The following ZNF473 variants were observed in gnomAD, a reference collection of about 807,000 sequenced individuals.
ZNF473 encodes zinc finger protein 100 homolog.
A neutral mutation model predicts 11.1 loss-of-function variants in ZNF473; 4 were observed. The ratio of observed to expected loss-of-function variants is 0.36; its 90% CI spans 0.18 to 0.82. ZNF473 has a LOEUF of 0.82. Ranked by LOEUF, ZNF473 falls within the 40% of genes least tolerant of loss-of-function variation. The pLI, the probability that ZNF473 is intolerant of heterozygous loss-of-function variation, is 0.49. For synonymous variants in ZNF473, 404 were observed against 390.4 expected (o/e 1.03, Z -0.41); for missense variants, 854 against 1,084.0 (o/e 0.79, Z 2.98).
chr19:50,048,275 C>T lies in ZNF473; in HGVS notation c.*1216C>T, dbSNP rs555717417. The T allele has an allele frequency of 4.6e-5, 7 of 152,322 alleles. No individual in the cohort carries two copies. In the East Asian group the frequency reaches 1.2e-3, roughly 25 times the overall value. 9.4% of individuals were successfully genotyped at this position (152,322 alleles called of 1,614,324 possible). ...GTCTTGTCAGCTCTGGGTGTTTGTT[C>T]CCTGCCACTAAGTGGCTCAGTCACA... On this transcript the variant is annotated 3_prime_UTR_variant, in exon 5 of 5. Coordinates refer to ENST00000270617, the MANE Select transcript of ZNF473 (RefSeq NM_015428.4).
At chr19:50,030,798 G>C (rs2122802134) in intron 1 of ZNF473, 94 bp from the exon 2 acceptor site, 3 of 525,008 alleles carry the variant, frequency 5.7e-6, no homozygotes, top group South Asian at 2.1e-5. Flanking sequence ...ACCCACCATT[G>C]TTGGTGGCGA....
intron 2 of ZNF473, among the ~76,000 whole-genome samples, chr19:50,032,524 A>G (rs1327206970): frequency 3.9e-5 from 6 of 152,030 alleles, no homozygotes; most frequent in Non-Finnish European, 7.4e-5. Flanking sequence ...TCATTCAACA[A>G]GTATTTACTC....
chr19:50,036,764 T>G (rs1978471392), intron 2 of ZNF473, among the ~76,000 whole-genome samples: 1 of 152,174 alleles, frequency 6.6e-6, no homozygotes, highest in Admixed American at 6.5e-5. Flanking sequence ...TCCCTCACCA[T>G]GTTATGCGTT....
chr19:50,044,240 G>A (rs539390607), intron 4 of ZNF473, among the ~76,000 whole-genome samples: 3 of 152,280 alleles, frequency 2.0e-5, no homozygotes, highest in Non-Finnish European at 2.9e-5. Flanking sequence ...CCAAGTTGAG[G>A]GAGGTAGGGA....
chr19:50,027,269 A>G (rs1385833911), intron 1 of ZNF473, among the ~76,000 whole-genome samples: 1 of 152,206 alleles, frequency 6.6e-6, no homozygotes, highest in Admixed American at 6.5e-5. Flanking sequence ...AAGACCCTAC[A>G]TGGCCTGTGG....
intron 2 of ZNF473, among the ~76,000 whole-genome samples, chr19:50,036,326 T>G (rs1447431687): frequency 1.4e-5 from 2 of 147,126 alleles, no homozygotes; most frequent in Non-Finnish European, 3.0e-5. Flanking sequence ...TTTTTTTTTT[T>G]TTTTTGAGAT....
intron 1 of ZNF473, among the ~76,000 whole-genome samples, chr19:50,027,886 A>G (rs2077295368): frequency 6.6e-6 from 1 of 152,106 alleles, no homozygotes; most frequent in Non-Finnish European, 1.5e-5. Context: ...CGGGGGTTTC[A>G]CCATGTTGAT....
At chr19:50,033,207 A>G (rs1041535848) in intron 2 of ZNF473, among the ~76,000 whole-genome samples, 2 of 152,136 alleles carry the variant, frequency 1.3e-5, no homozygotes, top group Non-Finnish European at 1.5e-5. Context: ...TGTTTTATAC[A>G]GAGGGGTGGG....
At position 50,047,755 on chromosome 19, in the gene ZNF473, A is replaced by AACTT. The variant is rs1979221199; in HGVS notation, c.*696_*697insACTT. On this transcript the variant is annotated 3_prime_UTR_variant, in exon 5 of 5. Transcript: ENST00000270617. ...CTAACCTCCCAAGCTTCTCACTTAA[A>AACTT]GAGGACTCCCTATCCCACAAACACA... is the stretch of plus-strand genomic sequence containing the variant. The AACTT allele has an allele frequency of 6.6e-6, 1 of 152,238 alleles. No individual in the cohort carries two copies. 9.4% of individuals were successfully genotyped at this position (152,238 alleles called of 1,614,324 possible).
At chr19:50,037,136 C>G (rs1978491594) in intron 2 of ZNF473, among the ~76,000 whole-genome samples, 2 of 152,094 alleles carry the variant, frequency 1.3e-5, no homozygotes, top group Non-Finnish European at 2.9e-5. Flanking sequence ...CAGTGTAAGC[C>G]AGAGTGGAAT....
chr19:50,035,318 G>A (rs1978362393), intron 2 of ZNF473, among the ~76,000 whole-genome samples: 1 of 151,894 alleles, frequency 6.6e-6, no homozygotes, highest in African/African-American at 2.4e-5. Context: ...TCTACTATTT[G>A]TCTAGTCGAC....
rs550560304 is a variant in ZNF473 at position 50,040,749 on chromosome 19, C to T, written c.137-981C>T. 5.3e-5 allele frequency: 8 copies of T among 152,330 alleles called. No homozygotes were observed. In the South Asian group the frequency reaches 1.5e-3, roughly 28 times the overall value. 9.4% of individuals were successfully genotyped at this position (152,330 alleles called of 1,614,324 possible). A position where few individuals can be genotyped will look rare whatever the true frequency, so the allele number is the denominator to read the frequency against. On this transcript the variant is annotated intron_variant, in intron 3 of 4. Transcript: ENST00000270617. ...TGAAGAACCAGAAAAATAATTTACT[C>T]CAAAAGATGAAAGAAGTAAAAGATA...
At position 50,047,323 on chromosome 19, in the gene ZNF473, G is replaced by T; in HGVS notation, c.*264G>T. On this transcript the variant is annotated 3_prime_UTR_variant, in exon 5 of 5. Coordinates refer to ENST00000270617, the MANE Select transcript of ZNF473 (RefSeq NM_015428.4). ...CTACTACCTAAGTGACCTTGGGAAG[G>T]TCAGAAAAATCTCTCAGGGCCTCGG... is the stretch of plus-strand genomic sequence containing the variant. 1 of 384,164 alleles carries T rather than the reference G, an allele frequency of 2.6e-6. No individual in the cohort carries two copies. The highest frequency in any genetic ancestry group is 3.7e-5 in the South Asian group (1 of 27,338). The allele number at this position is 384,164 out of a possible 1,614,324, so 23.8% of individuals were successfully genotyped here.
rs1369307734 is a variant in ZNF473 at position 50,047,490 on chromosome 19, A to C, written c.*431A>C. The C allele has an allele frequency of 6.0e-6, 1 of 165,874 alleles. No individual in the cohort carries two copies. Among genetic ancestry groups the C allele is most frequent in the Non-Finnish European group, 1.3e-5 (1 of 75,134 alleles). The allele number at this position is 165,874 out of a possible 1,614,324, so 10.3% of individuals were successfully genotyped here. ...GCCACAAATACACATCAGCTATAGC[A>C]CAAATATACTTGTGTTACAAGAAAG... On this transcript the variant is annotated 3_prime_UTR_variant, in exon 5 of 5. Coordinates refer to ENST00000270617, the MANE Select transcript of ZNF473 (RefSeq NM_015428.4).
chr19:50,042,659 A>C (rs1978841013), intron 4 of ZNF473: 1 of 152,236 alleles, frequency 6.6e-6, no homozygotes, highest in South Asian at 2.1e-4. Flanking sequence ...CATATCCTCT[A>C]GTAGTGACAC....
chr19:50,037,910 C>T (rs1292802681), intron 2 of ZNF473, among the ~76,000 whole-genome samples: 1 of 151,558 alleles, frequency 6.6e-6, no homozygotes, highest in African/African-American at 2.4e-5. Flanking sequence ...AGAAGGAAAC[C>T]AATTCCTTAT....
chr19:50,038,178 T>TTATAAA (rs1366294030), intron 2 of ZNF473, among the ~76,000 whole-genome samples: 7,603 of 146,154 alleles, frequency 0.052, 644 homozygotes, highest in African/African-American at 0.18. Context: ...AAATTATAAT[T>TTATAAA]TTATAAATTT....
At chr19:50,028,291 C>A (rs2077298183) in intron 1 of ZNF473, among the ~76,000 whole-genome samples, 1 of 147,880 alleles carries the variant, frequency 6.8e-6, no homozygotes, top group Admixed American at 6.7e-5. Context: ...GAACGAGACT[C>A]CGTCTCAAAA....
chr19:50,029,284 A>G (rs1378778629), intron 1 of ZNF473, among the ~76,000 whole-genome samples: 1 of 152,124 alleles, frequency 6.6e-6, no homozygotes, highest in Non-Finnish European at 1.5e-5. Flanking sequence ...CTGGGACTAC[A>G]GGCGCCCACC....
Sources: allele counts gnomAD v4.1 joint callset (sites outside exome capture counted in the v4.1 genomes callset), GRCh38; gene constraint gnomAD v4.1.1; transcripts MANE v1.5; gene names NCBI Gene and HGNC (gene_info 2026-07-23, HGNC 2026-07-21).